MLLT3: variants seen among roughly 807,000 people sequenced by gnomAD.
MLLT3 encodes the protein MLLT3 super elongation complex subunit.
MLLT3 carries 4 observed loss-of-function variants against 53.2 expected under a neutral mutation model. That is an observed-to-expected ratio of 0.08 (90% confidence interval 0.04 to 0.17). The LOEUF (loss-of-function observed/expected upper bound fraction) is 0.17, where lower values mean the gene tolerates loss of function less well. Among genes scored for constraint, MLLT3 ranks in the 10% least tolerant of loss-of-function variants. The pLI, the probability that MLLT3 is intolerant of heterozygous loss-of-function variation, is 1.00. For synonymous variants in MLLT3, 283 were observed against 230.6 expected (o/e 1.23, Z -2.06); for missense variants, 569 against 684.0 (o/e 0.83, Z 1.87).
rs773186512 is a variant in MLLT3, at chr9:20,363,499, A to G, written c.1308T>C (p.Asn436=). The change falls in exon 7 of 11, where the codon AAT becomes AAC. Residue 436 remains asparagine, a synonymous_variant. Coordinates refer to ENST00000380338, the MANE Select transcript of MLLT3 (RefSeq NM_004529.4). ...ACCTGCGACTTCGGCTGCCTCCTCT[A>G]TTTACAGGCCTCTCCATTTCAGAGT... ...DNDSEMERPV[N]RGGSRSRRVS... is the part of the protein sequence containing the mutation. The G allele has an allele frequency of 1.2e-6, 2 of 1,613,666 alleles. No homozygotes were observed. The highest frequency in any genetic ancestry group is 2.7e-5 in the African/African-American group (2 of 74,868).
At chr9:20,431,597 T>C (rs757432465) in intron 4 of MLLT3, among the ~76,000 whole-genome samples, 2 of 152,162 alleles carry the variant, frequency 1.3e-5, no homozygotes, top group Non-Finnish European at 2.9e-5. Flanking sequence ...TTGATCATTA[T>C]GGAAAACCGG....
At chr9:20,538,667 A>C (rs1249904270) in intron 2 of MLLT3, among the ~76,000 whole-genome samples, 1 of 152,272 alleles carries the variant, frequency 6.6e-6, no homozygotes, top group African/African-American at 2.4e-5. Flanking sequence ...AAAAATTTAT[A>C]AACTATATAA....
intron 10 of MLLT3, among the ~76,000 whole-genome samples, chr9:20,348,827 T>A (rs552273775): frequency 6.6e-6 from 1 of 152,194 alleles, no homozygotes; most frequent in African/African-American, 2.4e-5. Flanking sequence ...TCCACACATA[T>A]CCACACACAT....
At chr9:20,554,240 T>C (rs1818999723) in intron 2 of MLLT3, among the ~76,000 whole-genome samples, 1 of 152,142 alleles carries the variant, frequency 6.6e-6, no homozygotes, top group Non-Finnish European at 1.5e-5. Context: ...TCCTGTACAG[T>C]ACTGCTTTCA....
chr9:20,587,149 T>C (rs1486088084), intron 2 of MLLT3, among the ~76,000 whole-genome samples: 1 of 151,240 alleles, frequency 6.6e-6, no homozygotes, highest in Non-Finnish European at 1.5e-5. Flanking sequence ...GATATTTTAA[T>C]TTTTGCATAT....
chr9:20,420,595 T>C (rs1822984395), intron 4 of MLLT3, among the ~76,000 whole-genome samples: 1 of 152,214 alleles, frequency 6.6e-6, no homozygotes, highest in South Asian at 2.1e-4. Context: ...TATATCTTTG[T>C]CATAAATTGA....
intron 4 of MLLT3, among the ~76,000 whole-genome samples, chr9:20,416,640 CTCATGTTGG>C (rs1363402104): frequency 1.3e-5 from 2 of 152,016 alleles, no homozygotes; most frequent in African/African-American, 4.8e-5. Flanking sequence ...TGTTTTACTT[CTCATGTTGG>C]TCTGGGTATT....
intron 2 of MLLT3, among the ~76,000 whole-genome samples, chr9:20,487,635 G>C (rs1414416654): frequency 6.6e-6 from 1 of 152,070 alleles, no homozygotes; most frequent in East Asian, 1.9e-4. Context: ...TTAGTTATCA[G>C]ACAACGTATC....
At chr9:20,525,147 CAG>C (rs1191697459) in intron 2 of MLLT3, among the ~76,000 whole-genome samples, 1 of 125,118 alleles carries the variant, frequency 8.0e-6, no homozygotes, top group Non-Finnish European at 1.7e-5. Flanking sequence ...AAAAAAAAAA[CAG>C]AGGCGTGAAA....
chr9:20,391,622 C>G (rs974486566), intron 5 of MLLT3, among the ~76,000 whole-genome samples: 1 of 152,124 alleles, frequency 6.6e-6, no homozygotes. Flanking sequence ...AGAAAATATG[C>G]CAGCCTATGT....
At chr9:20,385,268 G>C (rs1822005938) in intron 5 of MLLT3, among the ~76,000 whole-genome samples, 1 of 152,114 alleles carries the variant, frequency 6.6e-6, no homozygotes, top group Admixed American at 6.6e-5. Context: ...CCTAAACTTT[G>C]TGTGACAGTA....
chr9:20,467,171 A>G (rs909807113), intron 2 of MLLT3, among the ~76,000 whole-genome samples: 1 of 152,126 alleles, frequency 6.6e-6, no homozygotes, highest in African/African-American at 2.4e-5. Context: ...AATTGAGACA[A>G]GCTCTCACTA....
chr9:20,365,403 G>A (rs1034334642), intron 6 of MLLT3, among the ~76,000 whole-genome samples: 1 of 151,974 alleles, frequency 6.6e-6, no homozygotes, highest in Non-Finnish European at 1.5e-5. Context: ...GCAGTGGCGC[G>A]ATCTCAGCTC....
At chr9:20,508,421 T>C (rs1825438659) in intron 2 of MLLT3, among the ~76,000 whole-genome samples, 4 of 152,190 alleles carry the variant, frequency 2.6e-5, no homozygotes, top group Non-Finnish European at 5.9e-5. Flanking sequence ...GAGAGGACAC[T>C]ACCGCAGTGC....
chr9:20,414,169 T>C lies in MLLT3; in HGVS notation c.677A>G (p.Asn226Ser), dbSNP rs1303919428. Residue 226 changes from asparagine to serine, a missense_variant, in exon 5 of 11, where the codon AAC (asparagine) becomes AGC (serine). By Grantham distance (46) the Asn-to-Ser change is conservative. This residue lies in a region of MLLT3 where 437 missense variants were observed against 376.5 expected (regional missense o/e 1.16). Transcript: ENST00000380338. ...SAFKEPSRDH[N>S]KSSKESSKKP... Reference sequence around the variant, plus strand: ...CTTAGAGGATTCTTTGGAAGATTTGTTGTGATCCCTGGAAGGTTCTTTGAA... The same window carrying C: ...CTTAGAGGATTCTTTGGAAGATTTGCTGTGATCCCTGGAAGGTTCTTTGAA... 3 of 1,614,106 alleles carry C rather than the reference T, an allele frequency of 1.9e-6. No individual in the cohort carries two copies. The highest frequency in any genetic ancestry group is 3.3e-5 in the Admixed American group (2 of 60,010).
intron 2 of MLLT3, among the ~76,000 whole-genome samples, chr9:20,469,375 G>C (rs568543845): frequency 6.6e-6 from 1 of 152,248 alleles, no homozygotes; most frequent in Admixed American, 6.5e-5. Flanking sequence ...GCTCTTGAAT[G>C]TTATGATTTT....
chr9:20,470,258 GA>G (rs1000430233), intron 2 of MLLT3, among the ~76,000 whole-genome samples: 1 of 151,748 alleles, frequency 6.6e-6, no homozygotes, highest in Non-Finnish European at 1.5e-5. Context: ...TAAAAGAATA[GA>G]AAAAAATGTT....
In MLLT3 at chr9:20,498,227, C is replaced by CAAAAAAAA; in HGVS notation, c.194-41449_194-41442dup. On this transcript the variant is annotated intron_variant, in intron 2 of 10. Transcript: ENST00000380338. ...TAGGTGACAGAGCGAGACGCTGTCT[C>CAAAAAAAA]AAAAAAAAAAAAAAAAAAAAAAAAA... Among the ~76,000 whole-genome samples, 89 of 32,520 alleles carry CAAAAAAAA rather than the reference C, an allele frequency of 2.7e-3. 12 individuals carry two copies. Among genetic ancestry groups the CAAAAAAAA allele is most frequent in the Middle Eastern group, 0.019 (1 of 52 alleles). 21.3% of individuals were successfully genotyped at this position (32,520 alleles called of 152,430 possible).
chr9:20,601,056 C>G (rs1587120574), intron 2 of MLLT3, among the ~76,000 whole-genome samples: 2 of 152,270 alleles, frequency 1.3e-5, no homozygotes, highest in Admixed American at 1.3e-4. Flanking sequence ...CACCGTTGCC[C>G]CCAGACTCAG....
Sources: gnomAD v4.1 joint callset for allele counts (sites outside exome capture counted in the v4.1 genomes callset) on GRCh38, gnomAD v4.1.1 for gene constraint, gnomAD v4.1.1 regional missense constraint, MANE v1.5 for transcripts, NCBI Gene and HGNC (gene_info 2026-07-23, HGNC 2026-07-21) for gene names.